KIAA0753: variants seen among roughly 807,000 people sequenced by gnomAD.
The protein encoded by KIAA0753 is protein moonraker.
Under a neutral mutation model 116.9 loss-of-function variants are expected in KIAA0753, and 114 were observed. The ratio of observed to expected loss-of-function variants is 0.98; its 90% CI spans 0.84 to 1.14. The LOEUF (loss-of-function observed/expected upper bound fraction) is 1.14. KIAA0753 is among the 50% of genes most tolerant of loss of function. KIAA0753 has a pLI of 0.00. For missense variants in KIAA0753, 1,156 were observed against 1,172.4 expected, an observed-to-expected ratio of 0.99 and a Z score of 0.20; for synonymous variants, 405 against 413.1, an observed-to-expected ratio of 0.98 and a Z score of 0.24.
intron 4 of KIAA0753, 44 bp from the exon 5 acceptor site, chr17:6,623,615 T>G (rs1002725374): frequency 6.3e-7 from 1 of 1,581,098 alleles, no homozygotes; most frequent in African/African-American, 1.4e-5. Context: ...ACCTTTCCAT[T>G]GATCTTTTTT....
chr17:6,614,507 T>G (rs1169973957), intron 7 of KIAA0753, among the ~76,000 whole-genome samples: 2 of 147,296 alleles, frequency 1.4e-5, no homozygotes, highest in East Asian at 2.0e-4. Context: ...CAAGCATAAG[T>G]GGGGGGGGGT....
rs776175045 is a variant in KIAA0753, at chr17:6,579,813, A to T, written c.2838T>A (p.Leu946=). The T allele has an allele frequency of 4.3e-6, 7 of 1,613,890 alleles. No homozygotes were observed. The Admixed American group carries it at 1.0e-4, about 23-fold the overall frequency. Residue 946 remains leucine, a synonymous_variant, in exon 19 of 19, where the codon CTT becomes CTA. Transcript: ENST00000361413. ...DEALGAVAAE[L]QDMCEDYAEA... is the part of the protein sequence containing the mutation. ...CTGCATAATCTTCGCACATATCCTG[A>T]AGTTCAGCAGCCACAGCACCCAGAG...
At chr17:6,611,356 A>G (rs1159663540) in intron 8 of KIAA0753, among the ~76,000 whole-genome samples, 1 of 152,030 alleles carries the variant, frequency 6.6e-6, no homozygotes, top group East Asian at 1.9e-4. Context: ...GCTGGAGTAC[A>G]GTGGATCGAT....
intron 3 of KIAA0753, among the ~76,000 whole-genome samples, chr17:6,626,411 T>C (rs1206934945): frequency 1.3e-5 from 2 of 152,218 alleles, no homozygotes; most frequent in African/African-American, 4.8e-5. Flanking sequence ...TCAGGAGTTG[T>C]AGATACAGAT....
At chr17:6,600,359 G>T in intron 13 of KIAA0753, 21 bp downstream of exon 13, 2 of 1,598,942 alleles carry the variant, frequency 1.3e-6, no homozygotes, top group Non-Finnish European at 1.7e-6. Flanking sequence ...GCAAGCAAAT[G>T]AAACGAACTA....
intron 1 of KIAA0753, chr17:6,637,019 A>C (rs865814589): frequency 6.6e-6 from 1 of 152,340 alleles, no homozygotes. Context: ...GACCTTGGAC[A>C]GCTCCATAAC....
Position 6,622,920 on chromosome 17 carries a change from C to A in KIAA0753, c.1066G>T (p.Val356Phe). The change falls in exon 6 of 19, where the codon GTT becomes TTT. Residue 356 changes from valine (V) to phenylalanine (F), a missense_variant. Physicochemically the swap from Val to Phe is conservative, Grantham distance 50. Transcript: ENST00000361413. Reference protein sequence around the residue: ...CSVKLDADPSVPDVVIDILQQ... With the variant: ...CSVKLDADPSFPDVVIDILQQ... ...AGAATATCTATAACCACATCAGGAA[C>A]AGAAGGGTCTGCATCCAGCTTGACA... The A allele has an allele frequency of 6.2e-7, 1 of 1,614,122 alleles. No homozygotes were observed. The highest frequency in any genetic ancestry group is 1.1e-5 in the South Asian group (1 of 91,082).
At chr17:6,590,750 G>A (rs1968936550) in intron 16 of KIAA0753, 120 bp from the exon 17 acceptor site, 5 of 1,028,194 alleles carry the variant, frequency 4.9e-6, no homozygotes, top group Non-Finnish European at 7.2e-6. Flanking sequence ...AGCACGACAG[G>A]GTTGGCTAGC....
intron 18 of KIAA0753, 31 bp downstream of exon 18, chr17:6,589,748 C>G (rs1423554432): frequency 6.4e-7 from 1 of 1,555,900 alleles, no homozygotes; most frequent in Non-Finnish European, 8.7e-7. Flanking sequence ...CAATTTGGTT[C>G]CTAAACAGAG....
rs766444004 is a variant in KIAA0753, at chr17:6,610,006, G to A, written c.1700C>T (p.Ala567Val). Reference protein sequence around the residue: ...WIPPNPTSPPASPKCAAWLKV... With the variant: ...WIPPNPTSPPVSPKCAAWLKV... The stretch of plus-strand genomic sequence containing the variant: ...AGTTTTCACATACCATTTAGGAGAC[G>A]CTGGTGGGGATGTGGGGTTTGGGGG... The change falls in exon 9 of 19, where the codon GCG (alanine) becomes GTG (valine). Residue 567 changes from alanine (A) to valine (V), a missense_variant. Ala to Val is a moderately conservative substitution (Grantham distance 64). Coordinates refer to ENST00000361413, the MANE Select transcript of KIAA0753 (RefSeq NM_014804.3). 21 of 1,613,972 alleles carry A rather than the reference G, an allele frequency of 1.3e-5. No homozygotes were observed. The highest frequency in any genetic ancestry group is 1.7e-5 in the Admixed American group (1 of 59,992).
chr17:6,590,179 CT>C (rs1306327865), intron 17 of KIAA0753, among the ~76,000 whole-genome samples, 176 bp from the exon 18 acceptor site: 1 of 152,170 alleles, frequency 6.6e-6, no homozygotes, highest in Non-Finnish European at 1.5e-5. Flanking sequence ...GGAACCAACC[CT>C]CAACATGTGG....
intron 18 of KIAA0753, among the ~76,000 whole-genome samples, chr17:6,584,481 T>C (rs568225720): frequency 6.6e-6 from 1 of 152,370 alleles, no homozygotes; most frequent in African/African-American, 2.4e-5. Context: ...CACTAATTTA[T>C]ACCCAAACTG....
At chr17:6,640,575 C>T (rs1006957550) in intron 1 of KIAA0753, 62 bp downstream of exon 1, 1 of 152,536 alleles carries the variant, frequency 6.6e-6, no homozygotes, top group Non-Finnish European at 1.5e-5. Context: ...GATCTCCTCT[C>T]CCCCAAGTCC....
chr17:6,600,169 T>C (rs1291633979), intron 13 of KIAA0753, among the ~76,000 whole-genome samples: 1 of 152,132 alleles, frequency 6.6e-6, no homozygotes, highest in Non-Finnish European at 1.5e-5. Context: ...AATCTCAACT[T>C]TCTCAAAAGG....
intron 6 of KIAA0753, among the ~76,000 whole-genome samples, chr17:6,622,367 C>T (rs1971385226): frequency 6.6e-6 from 1 of 152,224 alleles, no homozygotes; most frequent in Admixed American, 6.5e-5. Flanking sequence ...ATTAATGTGT[C>T]TTTGTCACCA....
At chr17:6,587,029 G>A (rs967590319) in intron 18 of KIAA0753, among the ~76,000 whole-genome samples, 1 of 152,122 alleles carries the variant, frequency 6.6e-6, no homozygotes, top group Non-Finnish European at 1.5e-5. Context: ...GAGGTTATGA[G>A]TTCGAGACCA....
At chr17:6,590,933 C>T (rs1968949674) in intron 16 of KIAA0753, among the ~76,000 whole-genome samples, 1 of 150,686 alleles carries the variant, frequency 6.6e-6, no homozygotes, top group African/African-American at 2.5e-5. Flanking sequence ...GCCACCCACT[C>T]AAGGAGTCTT....
intron 15 of KIAA0753, 115 bp from the exon 16 acceptor site, chr17:6,595,168 GAC>G: frequency 4.3e-6 from 3 of 693,328 alleles, no homozygotes; most frequent in Non-Finnish European, 7.5e-6. Context: ...CGTACTGCCA[GAC>G]ATGGGCACCT....
intron 14 of KIAA0753, 28 bp from the exon 15 acceptor site, chr17:6,596,371 G>A (rs773804733): frequency 3.7e-6 from 5 of 1,354,514 alleles, no homozygotes; most frequent in East Asian, 2.6e-5. Flanking sequence ...GTGGGGAGGA[G>A]AGGCATGGGG....
Sources: gnomAD v4.1 joint callset for allele counts (sites outside exome capture counted in the v4.1 genomes callset) on GRCh38, gnomAD v4.1.1 for gene constraint, MANE v1.5 for transcripts, NCBI Gene and HGNC (gene_info 2026-07-23, HGNC 2026-07-21) for gene names.